CLNK: variants seen among roughly 807,000 people sequenced by gnomAD.
CLNK encodes the protein cytokine dependent hematopoietic cell linker.
Under a neutral mutation model 68.6 loss-of-function variants are expected in CLNK, and 74 were observed. That is an observed-to-expected ratio of 1.08 (90% confidence interval 0.89 to 1.31). The LOEUF (loss-of-function observed/expected upper bound fraction) is 1.31. Ranked by LOEUF, CLNK falls within the 50% of genes most tolerant of loss-of-function variation. The probability of loss-of-function intolerance (pLI) is 0.00; values close to 1 mark genes in which losing one functional copy is unlikely to be tolerated. For synonymous variants in CLNK, 198 were observed against 172.2 expected, an observed-to-expected ratio of 1.15 and a Z score of -1.17; for missense variants, 553 against 515.3, an observed-to-expected ratio of 1.07 and a Z score of -0.71.
At chr4:10,703,502 C>A in the CLNK span, among the ~76,000 whole-genome samples, 5 of 152,160 alleles carry the variant, frequency 3.3e-5, no homozygotes, top group African/African-American at 4.8e-5. Flanking sequence ...CTGGATTCTG[C>A]ATTCCTTAGT....
rs16871047 is a variant in CLNK, at chr4:10,632,816, G to C, written c.12-34767C>G. Reference sequence around the variant, plus strand: ...AATTTTCAATGCTCTCACTACTTTTGCATTCGTCATGTATTAGGAACTAAA... The same window carrying C: ...AATTTTCAATGCTCTCACTACTTTTCCATTCGTCATGTATTAGGAACTAAA... On this transcript the variant is annotated intron_variant, in intron 2 of 18. Coordinates refer to ENST00000226951, the MANE Select transcript of CLNK (RefSeq NM_052964.4). Among the ~76,000 whole-genome samples the C allele has an allele frequency of 6.2e-3, 948 of 152,142 alleles. 19 individuals are homozygous for C. In the East Asian group the frequency reaches 0.064, roughly 10 times the overall value.
chr4:10,545,592 G>C (rs1252667363), intron 8 of CLNK, among the ~76,000 whole-genome samples: 2 of 152,122 alleles, frequency 1.3e-5, no homozygotes, highest in Non-Finnish European at 2.9e-5. Context: ...CCATAGTGGG[G>C]ATTTTCTGCA....
the CLNK span, among the ~76,000 whole-genome samples, chr4:10,730,844 A>G: frequency 1.3e-5 from 2 of 152,186 alleles, no homozygotes; most frequent in African/African-American, 4.8e-5. Flanking sequence ...TCTATTCCCC[A>G]TGGTACCATC....
chr4:10,621,518 G>A lies in CLNK; in HGVS notation c.12-23469C>T, dbSNP rs147737223. Among the ~76,000 whole-genome samples, 17 of 152,316 alleles carry A rather than the reference G, an allele frequency of 1.1e-4. No individual in the cohort carries two copies. In the East Asian group the frequency reaches 3.3e-3, roughly 29 times the overall value. On this transcript the variant is annotated intron_variant, in intron 2 of 18. Coordinates refer to ENST00000226951, the MANE Select transcript of CLNK (RefSeq NM_052964.4). ...CTTCAATAGACTTGGGGCCAGAAAT[G>A]TGACATGTGTCTGAATCCAATCAGA...
chr4:10,540,405 T>G (rs1718965573), intron 11 of CLNK, 89 bp downstream of exon 11: 1 of 942,720 alleles, frequency 1.1e-6, no homozygotes, highest in Non-Finnish European at 1.7e-6. Flanking sequence ...GAGCCTGCTC[T>G]GAAAGGTACT....
At chr4:10,663,549 A>C (rs1056577044) in intron 2 of CLNK, among the ~76,000 whole-genome samples, 1 of 152,246 alleles carries the variant, frequency 6.6e-6, no homozygotes, top group African/African-American at 2.4e-5. Context: ...CTGAACTGAT[A>C]CAATCATATA....
At chr4:10,671,462 C>T (rs1724636509) in intron 1 of CLNK, among the ~76,000 whole-genome samples, 1 of 152,102 alleles carries the variant, frequency 6.6e-6, no homozygotes, top group African/African-American at 2.4e-5. Context: ...AAAGTGTCAT[C>T]AGCAAGACAG....
chr4:10,589,924 C>T (rs1346239495), intron 3 of CLNK, among the ~76,000 whole-genome samples: 1 of 152,230 alleles, frequency 6.6e-6, no homozygotes, highest in African/African-American at 2.4e-5. Flanking sequence ...TGCCTTTTGT[C>T]AACAGCATCC....
intron 2 of CLNK, among the ~76,000 whole-genome samples, chr4:10,622,508 T>C (rs1722496003): frequency 6.6e-6 from 1 of 152,162 alleles, no homozygotes; most frequent in African/African-American, 2.4e-5. Flanking sequence ...GGAAAGAAGG[T>C]CTTTGCCCAA....
intron 2 of CLNK, among the ~76,000 whole-genome samples, chr4:10,662,110 G>A (rs1724216096): frequency 6.6e-6 from 1 of 152,058 alleles, no homozygotes; most frequent in Non-Finnish European, 1.5e-5. Flanking sequence ...GACTATTATG[G>A]TAGAGTTACA....
chr4:10,621,756 G>A (rs955676654), intron 2 of CLNK, among the ~76,000 whole-genome samples: 5 of 152,144 alleles, frequency 3.3e-5, no homozygotes, highest in African/African-American at 4.8e-5. Flanking sequence ...TGGGGCCTGT[G>A]GCTTCTCTGT....
the CLNK span, among the ~76,000 whole-genome samples, chr4:10,730,953 G>A: frequency 6.6e-6 from 1 of 152,126 alleles, no homozygotes; most frequent in African/African-American, 2.4e-5. Flanking sequence ...GGTTTAGTTA[G>A]GAAGGAAAGC....
At chr4:10,699,710 C>T in the CLNK span, among the ~76,000 whole-genome samples, 1 of 151,112 alleles carries the variant, frequency 6.6e-6, no homozygotes, top group African/African-American at 2.4e-5. Flanking sequence ...GATAGGGTTT[C>T]ACCATGTGGG....
chr4:10,507,959 C>G lies in CLNK; in HGVS notation c.984G>C (p.Lys328Asn). Residue 328 changes from lysine (K) to asparagine (N), a missense_variant and splice_region_variant, in exon 17 of 19, where the codon AAG becomes AAC. Lys to Asn is a moderately conservative substitution (Grantham distance 94). Coordinates refer to ENST00000226951, the MANE Select transcript of CLNK (RefSeq NM_052964.4). The part of the protein sequence containing the change: ...AVEEAFMKEN[K>N]DGSFLVRDCS... ...TGATGGGCCACGTAGAAGGCATTAC[C>G]TTGTTCTCCTTCATGAATGCCTCTT... 1 of 1,602,478 alleles carries G rather than the reference C, an allele frequency of 6.2e-7. No homozygotes were observed. Among genetic ancestry groups the G allele is most frequent in the Non-Finnish European group, 8.5e-7 (1 of 1,173,546 alleles).
chr4:10,648,378 A>C (rs2108880404), intron 2 of CLNK, among the ~76,000 whole-genome samples: 1 of 152,324 alleles, frequency 6.6e-6, no homozygotes, highest in South Asian at 2.1e-4. Context: ...CTAAAAATTA[A>C]GTGTCATGCA....
At position 10,508,841 on chromosome 4, in the gene CLNK, C is replaced by T. The variant is rs550584898; in HGVS notation, c.907-805G>A. Among the ~76,000 whole-genome samples the T allele has an allele frequency of 1.1e-3, 135 of 128,014 alleles. 3 individuals carry two copies. Among genetic ancestry groups the T allele is most frequent in the Non-Finnish European group, 1.8e-3 (101 of 57,640 alleles). 84.0% of individuals were successfully genotyped at this position (128,014 alleles called of 152,430 possible). On this transcript the variant is annotated intron_variant, in intron 16 of 18. Coordinates refer to ENST00000226951, the MANE Select transcript of CLNK (RefSeq NM_052964.4). ...TCAAAATCTGGGCTGGGTGTGGTGG[C>T]TCAATGCCTGTAATCCCAGCACTTT...
intron 15 of CLNK, among the ~76,000 whole-genome samples, chr4:10,518,540 C>T (rs942659837): frequency 1.3e-5 from 2 of 151,990 alleles, no homozygotes; most frequent in African/African-American, 4.8e-5. Context: ...ATCTACAATC[C>T]CAGACTTAGA....
intron 2 of CLNK, among the ~76,000 whole-genome samples, chr4:10,662,609 A>G (rs1724237647): frequency 6.6e-6 from 1 of 152,250 alleles, no homozygotes; most frequent in Non-Finnish European, 1.5e-5. Context: ...CATAGCTCAA[A>G]ACACCATGAT....
intron 2 of CLNK, among the ~76,000 whole-genome samples, chr4:10,614,443 T>C (rs1478906575): frequency 1.3e-5 from 2 of 152,154 alleles, no homozygotes; most frequent in Non-Finnish European, 2.9e-5. Context: ...AGACTTAGGC[T>C]CTTCTAGAAG....
Sources: allele counts gnomAD v4.1 joint callset (sites outside exome capture counted in the v4.1 genomes callset), GRCh38; gene constraint gnomAD v4.1.1; transcripts MANE v1.5; gene names NCBI Gene and HGNC (gene_info 2026-07-23, HGNC 2026-07-21).